The following SLC7A14 variants were observed in gnomAD, a reference collection of about 807,000 sequenced individuals.
SLC7A14 encodes the protein solute carrier family 7 member 14, also known as gamma-aminobutyric acid transporter SLC7A14.
SLC7A14 carries 37 observed loss-of-function variants against 60.2 expected under a neutral mutation model. The observed-to-expected ratio is 0.61, with a 90% confidence interval of 0.47 to 0.81. SLC7A14 has a LOEUF of 0.81. Ranked by LOEUF, SLC7A14 falls within the 30% of genes least tolerant of loss-of-function variation. SLC7A14 has a pLI of 0.00. For missense variants in SLC7A14, 886 were observed against 982.7 expected (o/e 0.90, Z 1.32); for synonymous variants, 399 against 395.8 (o/e 1.01, Z -0.10).
chr3:170,476,162 A>G (rs1711604935), intron 7 of SLC7A14, among the ~76,000 whole-genome samples: 1 of 152,346 alleles, frequency 6.6e-6, no homozygotes, highest in African/African-American at 2.4e-5. Flanking sequence ...ATACTCGGCC[A>G]CCAGACCAAT....
chr3:170,554,610 C>T (rs1714437609), intron 1 of SLC7A14, among the ~76,000 whole-genome samples: 1 of 152,180 alleles, frequency 6.6e-6, no homozygotes, highest in Non-Finnish European at 1.5e-5. Flanking sequence ...CTGCCCTGAC[C>T]ACTGCAGTCA....
chr3:170,498,921 G>T (rs1389961186), intron 3 of SLC7A14, 37 bp from the exon 4 acceptor site: 2 of 1,603,066 alleles, frequency 1.2e-6, no homozygotes, highest in Non-Finnish European at 1.7e-6. Flanking sequence ...TTGTCTGGAG[G>T]GAAGAAAGGG....
At chr3:170,479,093 GCCTGGGCGACACAGCAAGACTC>G (rs1046625940) in intron 7 of SLC7A14, among the ~76,000 whole-genome samples, 10 of 152,118 alleles carry the variant, frequency 6.6e-5, no homozygotes, top group African/African-American at 1.9e-4. Context: ...CTGCACTCCA[GCCTGGGCGACACAGCAAGACTC>G]CATCTCAACA....
At chr3:170,576,573 A>G (rs887916615) in intron 1 of SLC7A14, among the ~76,000 whole-genome samples, 5 of 152,220 alleles carry the variant, frequency 3.3e-5, no homozygotes, top group Non-Finnish European at 7.3e-5. Flanking sequence ...CTTCTGAACA[A>G]TAACTACTAC....
chr3:170,577,624 C>CAAA (rs56357954), intron 1 of SLC7A14, among the ~76,000 whole-genome samples: 21 of 52,012 alleles, frequency 4.0e-4, no homozygotes, highest in Admixed American at 7.7e-4. Context: ...GACTCCGTCT[C>CAAA]AAAAAAAAAA....
chr3:170,481,532 G>C (rs1209106521), intron 6 of SLC7A14, among the ~76,000 whole-genome samples: 1 of 151,742 alleles, frequency 6.6e-6, no homozygotes, highest in East Asian at 1.9e-4. Context: ...CTCCCGAGTA[G>C]CTGGGATTAC....
chr3:170,482,414 G>A (rs1711861841), intron 6 of SLC7A14, among the ~76,000 whole-genome samples: 1 of 152,216 alleles, frequency 6.6e-6, no homozygotes, highest in African/African-American at 2.4e-5. Flanking sequence ...GGGGAAATGA[G>A]TCAGAAGATG....
intron 2 of SLC7A14, among the ~76,000 whole-genome samples, chr3:170,502,067 G>A (rs1042914609): frequency 1.3e-5 from 2 of 152,176 alleles, no homozygotes; most frequent in Non-Finnish European, 2.9e-5. Flanking sequence ...AGAGATGTGA[G>A]ACATGTACTT....
intron 2 of SLC7A14, among the ~76,000 whole-genome samples, chr3:170,512,680 T>TTTC (rs1713019785): frequency 1.7e-5 from 2 of 118,450 alleles, no homozygotes; most frequent in Non-Finnish European, 3.4e-5. Context: ...TTTTTTTTTT[T>TTTC]TGAGACGGAG....
chr3:170,547,940 G>T (rs1463766796), intron 1 of SLC7A14, among the ~76,000 whole-genome samples: 1 of 152,118 alleles, frequency 6.6e-6, no homozygotes, highest in African/African-American at 2.4e-5. Flanking sequence ...ACCTGCCTAT[G>T]TAATTCCTTA....
At position 170,535,531 on chromosome 3, in the gene SLC7A14, T is replaced by C. The variant is rs565460492; in HGVS notation, c.-152-8443A>G. ...CAGCTTCAGGGAGTGCGAGTGTCCT[T>C]TGCTTGTCCTTCCAGATCCACCCAG... On this transcript the variant is annotated intron_variant, in intron 1 of 7. Coordinates refer to ENST00000231706, the MANE Select transcript of SLC7A14 (RefSeq NM_020949.3). The surrounding 1 kb of genome is among the most constrained non-coding windows in gnomAD (Gnocchi z 4.3). 3.5e-4 allele frequency among the ~76,000 whole-genome samples: 53 copies of C among 152,302 alleles called. No homozygotes were observed. Among genetic ancestry groups the C allele is most frequent in the African/African-American group, 1.3e-3 (53 of 41,572 alleles).
chr3:170,518,816 T>C (rs1713248381), intron 2 of SLC7A14, among the ~76,000 whole-genome samples: 1 of 152,124 alleles, frequency 6.6e-6, no homozygotes, highest in Non-Finnish European at 1.5e-5. Context: ...GGTGAGGTTA[T>C]GGGAGAAAGG....
At chr3:170,471,090 G>GTGTGT (rs1553864202) in intron 7 of SLC7A14, among the ~76,000 whole-genome samples, 21 of 146,452 alleles carry the variant, frequency 1.4e-4, no homozygotes, top group African/African-American at 5.4e-4. Flanking sequence ...TCTGGGAAGG[G>GTGTGT]GTGTGTGTGT....
At chr3:170,520,804 GT>G (rs767257105) in intron 2 of SLC7A14, among the ~76,000 whole-genome samples, 21 of 152,144 alleles carry the variant, frequency 1.4e-4, no homozygotes, top group Non-Finnish European at 2.9e-4. Context: ...TAGAAAAAAA[GT>G]TTAATCTGCC....
At chr3:170,470,548 C>T (rs1378021701) in intron 7 of SLC7A14, among the ~76,000 whole-genome samples, 2 of 152,154 alleles carry the variant, frequency 1.3e-5, no homozygotes, top group Admixed American at 6.5e-5. Flanking sequence ...CGACCGTGTG[C>T]ATGCAGCCTG....
chr3:170,464,247 A>T lies in SLC7A14; in HGVS notation c.*2808T>A, dbSNP rs531817185. The T allele has an allele frequency of 6.6e-6, 1 of 152,322 alleles. No homozygotes were observed. The highest frequency in any genetic ancestry group is 1.9e-4 in the East Asian group (1 of 5,190). The allele number at this position is 152,322 out of a possible 1,614,324, so 9.4% of individuals were successfully genotyped here. A position where few individuals can be genotyped will look rare whatever the true frequency, so the allele number is the denominator to read the frequency against. On this transcript the variant is annotated 3_prime_UTR_variant, in exon 8 of 8. Coordinates refer to ENST00000231706, the MANE Select transcript of SLC7A14 (RefSeq NM_020949.3). Reference sequence around the variant, plus strand: ...AAGAAAATCAAGTAATTGGCTCCAAACCACAAATCCACACAATGAAATCTC... The same window carrying T: ...AAGAAAATCAAGTAATTGGCTCCAATCCACAAATCCACACAATGAAATCTC...
chr3:170,574,375 T>C (rs1345276294), intron 1 of SLC7A14, among the ~76,000 whole-genome samples: 1 of 152,234 alleles, frequency 6.6e-6, no homozygotes, highest in Non-Finnish European at 1.5e-5. Context: ...TTTTTCACTT[T>C]CTTGGCCACT....
intron 2 of SLC7A14, among the ~76,000 whole-genome samples, chr3:170,512,159 G>C (rs1055779737): frequency 2.0e-5 from 3 of 152,164 alleles, no homozygotes; most frequent in Non-Finnish European, 2.9e-5. Context: ...AAGATTCTGT[G>C]GGGGATCAGC....
chr3:170,561,873 C>T (rs775626969), intron 1 of SLC7A14, among the ~76,000 whole-genome samples: 99 of 151,902 alleles, frequency 6.5e-4, no homozygotes, highest in Non-Finnish European at 1.2e-3. Context: ...TACAAGTGGC[C>T]AACAAACGTA....
Sources: gnomAD v4.1 joint callset for allele counts (sites outside exome capture counted in the v4.1 genomes callset) on GRCh38, gnomAD v4.1.1 for gene constraint, Gnocchi (gnomAD v3.1) non-coding constraint, MANE v1.5 for transcripts, NCBI Gene and HGNC (gene_info 2026-07-23, HGNC 2026-07-21) for gene names.